The following E2F7 variants were observed in gnomAD, a reference collection of about 807,000 sequenced individuals.
E2F7 encodes the protein E2F transcription factor 7.
E2F7 carries 35 observed loss-of-function variants against 81.1 expected under a neutral mutation model. The ratio of observed to expected loss-of-function variants is 0.43; its 90% CI spans 0.33 to 0.57. The LOEUF is 0.57. E2F7 is among the 20% of genes least tolerant of loss of function. The probability of loss-of-function intolerance (pLI) is 0.04; values close to 1 mark genes in which losing one functional copy is unlikely to be tolerated. For missense variants in E2F7, 961 were observed against 1,093.7 expected (o/e 0.88, Z 1.71); for synonymous variants, 416 against 416.2 (o/e 1.00, Z 0.01).
rs201120805 is a variant in E2F7 at position 77,044,420 on chromosome 12, T to G, written c.988+217A>C. The G allele has an allele frequency of 8.8e-5, 53 of 599,368 alleles. No individual in the cohort carries two copies. In the East Asian group the frequency reaches 1.5e-3, roughly 18 times the overall value. 37.1% of individuals were successfully genotyped at this position (599,368 alleles called of 1,614,324 possible). A position where few individuals can be genotyped will look rare whatever the true frequency, so the allele number is the denominator to read the frequency against. ...GATAGTGTTCTGTTTTTCACTCTAC[T>G]GAAACCACCGAGGAAAAGGCACTGA... On this transcript the variant is annotated intron_variant, in intron 6 of 12. Coordinates refer to ENST00000322886, the MANE Select transcript of E2F7 (RefSeq NM_203394.3).
chr12:77,046,334 T>A lies in E2F7; in HGVS notation c.539-6A>T, dbSNP rs1310358483. On this transcript the variant is annotated splice_polypyrimidine_tract_variant and splice_region_variant and intron_variant, in intron 4 of 12. Coordinates refer to ENST00000322886, the MANE Select transcript of E2F7 (RefSeq NM_203394.3). ...GATGCGTCTCCTTTCCACACCTGTT[T>A]GAAAAACAGAGGCTGATGGACATCA... is the stretch of plus-strand genomic sequence containing the variant. 2 of 1,607,254 alleles carry A rather than the reference T, an allele frequency of 1.2e-6. No homozygotes were observed. Among genetic ancestry groups the A allele is most frequent in the South Asian group, 2.2e-5 (2 of 90,590 alleles).
intron 9 of E2F7, among the ~76,000 whole-genome samples, 196 bp downstream of exon 9, chr12:77,032,854 G>A (rs1954817444): frequency 6.6e-6 from 1 of 152,112 alleles, no homozygotes; most frequent in Admixed American, 6.5e-5. Context: ...ATAGCTTACA[G>A]GATACATTTT....
rs781632137 is a variant in E2F7, at chr12:77,024,022, G to GCGC, written c.2726_2728dup (p.Gly909dup). Reference sequence around the variant, plus strand: ...ACCTGGCAAAGCGGCAGGTTAGTCAGCGCCGCCGCTGGGGATTTCTAGTCT... The same window carrying GCGC: ...ACCTGGCAAAGCGGCAGGTTAGTCAGCGCCGCCGCCGCTGGGGATTTCTAGTCT... On this transcript the variant is annotated inframe_insertion, in exon 13 of 13. Transcript: ENST00000322886. The GCGC allele has an allele frequency of 1.5e-5, 25 of 1,613,316 alleles. No individual in the cohort carries two copies. The African/African-American group carries it at 3.1e-4, about 20-fold the overall frequency.
Position 77,056,111 on chromosome 12 carries a change from C to G in E2F7, c.113G>C (p.Arg38Pro), listed in dbSNP as rs149646617. 4.7e-4 allele frequency: 747 copies of G among 1,601,300 alleles called. 4 individuals carry two copies. In the African/African-American group the frequency reaches 9.1e-3, roughly 19 times the overall value. The change falls in exon 3 of 13, where the codon CGA becomes CCA. Residue 38 changes from arginine (R) to proline (P), a missense_variant. By Grantham distance (103) the Arg-to-Pro change is moderately radical. Coordinates refer to ENST00000322886, the MANE Select transcript of E2F7 (RefSeq NM_203394.3). ...NAQKENIFVDRSRMAPKTPIK... is the reference protein window; with the variant it reads ...NAQKENIFVDPSRMAPKTPIK... ...TGGAGTCTTCGGGGCCATCCTTGAT[C>G]GATCAACAAATATATTTTCCTATTT...
chr12:77,033,211 T>TGA, intron 8 of E2F7, 89 bp from the exon 9 acceptor site: 9 of 1,170,524 alleles, frequency 7.7e-6, no homozygotes, highest in South Asian at 2.8e-5. Context: ...GAGAATTCAT[T>TGA]ATTCTCAGCT....
chr12:77,054,613 T>C (rs911816625), intron 3 of E2F7, among the ~76,000 whole-genome samples: 1 of 152,120 alleles, frequency 6.6e-6, no homozygotes, highest in Non-Finnish European at 1.5e-5. Context: ...CGCTAAAATC[T>C]CTCTATAAAG....
At chr12:77,039,920 A>T (rs1270741785) in intron 7 of E2F7, among the ~76,000 whole-genome samples, 2 of 152,216 alleles carry the variant, frequency 1.3e-5, no homozygotes, top group Non-Finnish European at 2.9e-5. Context: ...TTACTGAAAC[A>T]TGCTACAATA....
rs1280971216 is a variant in E2F7, at chr12:77,022,571, TAAAAC to T, written c.*1439_*1443del. On this transcript the variant is annotated 3_prime_UTR_variant, in exon 13 of 13. Coordinates refer to ENST00000322886, the MANE Select transcript of E2F7 (RefSeq NM_203394.3). Reference sequence around the variant, plus strand: ...ATTGGGTCAAAAAATAAAAATAAAATAAAACCCTACACCAGGATTCTACATCTAAG... The same window carrying T: ...ATTGGGTCAAAAAATAAAAATAAAATCCTACACCAGGATTCTACATCTAAG... The T allele has an allele frequency of 6.6e-6, 1 of 151,828 alleles. No homozygotes were observed. Among genetic ancestry groups the T allele is most frequent in the Non-Finnish European group, 1.5e-5 (1 of 67,880 alleles). 9.4% of individuals were successfully genotyped at this position (151,828 alleles called of 1,614,324 possible). A position where few individuals can be genotyped will look rare whatever the true frequency, so the allele number is the denominator to read the frequency against.
chr12:77,052,184 A>T (rs1016817171), intron 3 of E2F7, among the ~76,000 whole-genome samples: 4 of 152,226 alleles, frequency 2.6e-5, no homozygotes, highest in African/African-American at 9.6e-5. Flanking sequence ...AAGAAAACTC[A>T]GTATCTTAAA....
At chr12:77,039,980 G>A (rs1954882042) in intron 7 of E2F7, among the ~76,000 whole-genome samples, 1 of 152,162 alleles carries the variant, frequency 6.6e-6, no homozygotes, top group Non-Finnish European at 1.5e-5. Context: ...CGGACCAAAA[G>A]AGTACAGGTT....
intron 7 of E2F7, among the ~76,000 whole-genome samples, chr12:77,039,695 T>A (rs1954880379): frequency 2.0e-5 from 3 of 152,338 alleles, no homozygotes; most frequent in Non-Finnish European, 4.4e-5. Context: ...AGAACTCTCA[T>A]ATACTGTTGG....
chr12:77,057,205 A>G (rs902719698), intron 2 of E2F7, among the ~76,000 whole-genome samples: 1 of 151,996 alleles, frequency 6.6e-6, no homozygotes, highest in Non-Finnish European at 1.5e-5. Context: ...AGTGGTGTGC[A>G]TACTACAGTG....
At chr12:77,024,292 G>T in intron 12 of E2F7, 107 bp from the exon 13 acceptor site, 1 of 1,248,156 alleles carries the variant, frequency 8.0e-7, no homozygotes, top group Non-Finnish European at 1.1e-6. Flanking sequence ...CAAGGCAGGC[G>T]TTCCTTCTTC....
rs1592554973 is a variant in E2F7, at chr12:77,030,387, T to C, written c.1383-55A>G. 3 of 1,504,388 alleles carry C rather than the reference T, an allele frequency of 2.0e-6. No homozygotes were observed. The East Asian group carries it at 6.8e-5, about 34-fold the overall frequency. The allele number at this position is 1,504,388 out of a possible 1,614,324, so 93.2% of individuals were successfully genotyped here. A position where few individuals can be genotyped will look rare whatever the true frequency, so the allele number is the denominator to read the frequency against. ...AGCACATTCTACCAACTCCTGACCCTTTACTTTCCCAAAGACAGCCATGCC... is the reference window on the plus strand; with the variant it reads ...AGCACATTCTACCAACTCCTGACCCCTTACTTTCCCAAAGACAGCCATGCC... On this transcript the variant is annotated intron_variant, in intron 9 of 12. Coordinates refer to ENST00000322886, the MANE Select transcript of E2F7 (RefSeq NM_203394.3).
rs377339218 is a variant in E2F7, at chr12:77,037,516, G to T, written c.1124-3474C>A. On this transcript the variant is annotated intron_variant, in intron 7 of 12. Coordinates refer to ENST00000322886, the MANE Select transcript of E2F7 (RefSeq NM_203394.3). The stretch of plus-strand genomic sequence containing the variant: ...AATGTTTGACAACAATGGCACAAAG[G>T]CCAGGCAGGGAGAAATGAAAGCAAG... Among the ~76,000 whole-genome samples the T allele has an allele frequency of 5.9e-5, 9 of 152,286 alleles. No homozygotes were observed. In the East Asian group the frequency reaches 1.2e-3, roughly 20 times the overall value.
chr12:77,061,229 C>T (rs1955076252), intron 2 of E2F7, among the ~76,000 whole-genome samples: 1 of 152,214 alleles, frequency 6.6e-6, no homozygotes, highest in South Asian at 2.1e-4. Flanking sequence ...ATTCCAAAAT[C>T]AGGCTACCTG....
rs767557951 is a variant in E2F7 at position 77,028,025 on chromosome 12, T to G, written c.1998A>C (p.Ser666=). Residue 666 remains serine (S), a synonymous_variant, in exon 11 of 13, where the codon TCA becomes TCC. Transcript: ENST00000322886. ...CAAGAGAGTTTGCTGTTGCCTTTCC[T>G]GAAATCTCTTCTGCAGCAGGGAGTT... is the stretch of plus-strand genomic sequence containing the variant. The part of the protein sequence containing the change: ...NGQLPAAEEI[S]GKATANSLVS... 1.9e-6 allele frequency: 3 copies of G among 1,614,190 alleles called. No homozygotes were observed. The East Asian group carries it at 6.7e-5, about 36-fold the overall frequency.
At chr12:77,051,169 C>T (rs1450747609) in intron 3 of E2F7, among the ~76,000 whole-genome samples, 1 of 152,154 alleles carries the variant, frequency 6.6e-6, no homozygotes, top group Non-Finnish European at 1.5e-5. Context: ...CACTGGCCTG[C>T]ATTCTGTCAC....
rs1010916840 is a variant in E2F7, at chr12:77,030,446, T to C, written c.1383-114A>G. On this transcript the variant is annotated intron_variant, in intron 9 of 12. Transcript: ENST00000322886. ...AATGAGATAATACTCCTCAGGCAGA[T>C]ACGAAAGCGCACTTGCTGAGCACGT... 13 of 1,330,690 alleles carry C rather than the reference T, an allele frequency of 9.8e-6. No individual in the cohort carries two copies. The Admixed American group carries it at 2.0e-4, about 20-fold the overall frequency. The allele number at this position is 1,330,690 out of a possible 1,614,324, so 82.4% of individuals were successfully genotyped here. A position where few individuals can be genotyped will look rare whatever the true frequency, so the allele number is the denominator to read the frequency against.
Sources: gnomAD v4.1 joint callset for allele counts (sites outside exome capture counted in the v4.1 genomes callset) on GRCh38, gnomAD v4.1.1 for gene constraint, MANE v1.5 for transcripts, NCBI Gene and HGNC (gene_info 2026-07-23, HGNC 2026-07-21) for gene names.